Variants in DLC1 observed in about 807,000 individuals in gnomAD.
The protein encoded by DLC1 is rho GTPase-activating protein 7.
In DLC1, 54 loss-of-function variants were observed where a neutral mutation model predicts 140.3. The ratio of observed to expected loss-of-function variants is 0.38; its 90% CI spans 0.31 to 0.48. The LOEUF (loss-of-function observed/expected upper bound fraction) is 0.48, where lower values mean the gene tolerates loss of function less well. DLC1 is among the 20% of genes least tolerant of loss of function. The probability of loss-of-function intolerance (pLI) is 0.96; values close to 1 mark genes in which losing one functional copy is unlikely to be tolerated. For missense variants in DLC1, 2,536 were observed against 1,907.0 expected (o/e 1.33, Z -6.14); for synonymous variants, 986 against 728.1 (o/e 1.35, Z -5.70).
chr8:13,492,531 C>T (rs766111564), intron 2 of DLC1, among the ~76,000 whole-genome samples: 1 of 93,956 alleles, frequency 1.1e-5, no homozygotes, highest in African/African-American at 3.6e-5. Context: ...TTCTCTCTCC[C>T]TCCACCTCTC....
chr8:13,236,170 T>C (rs577036813), intron 5 of DLC1, among the ~76,000 whole-genome samples: 11 of 152,186 alleles, frequency 7.2e-5, no homozygotes, highest in Admixed American at 2.6e-4. Context: ...TTTGGCAATA[T>C]AAAATTTTGT....
chr8:13,200,467 A>G (rs1407256651), intron 5 of DLC1, among the ~76,000 whole-genome samples: 1 of 152,158 alleles, frequency 6.6e-6, no homozygotes, highest in Non-Finnish European at 1.5e-5. Context: ...GCTGATTCCT[A>G]ACCAGACGAA....
intron 1 of DLC1, among the ~76,000 whole-genome samples, chr8:13,561,721 C>G (rs1804250583): frequency 6.6e-6 from 1 of 152,094 alleles, no homozygotes; most frequent in Non-Finnish European, 1.5e-5. Flanking sequence ...GTAATTCTGA[C>G]TGCTTGAATT....
At chr8:13,427,297 C>T (rs1408476294) in intron 2 of DLC1, among the ~76,000 whole-genome samples, 1 of 152,136 alleles carries the variant, frequency 6.6e-6, no homozygotes, top group Middle Eastern at 3.2e-3. Context: ...TCATGGGGCT[C>T]TGTCCCGACA....
chr8:13,274,263 C>T (rs77838053), intron 5 of DLC1, among the ~76,000 whole-genome samples: 6,928 of 152,240 alleles, frequency 0.046, 311 homozygotes, highest in African/African-American at 0.12. Flanking sequence ...ACTAACTGAG[C>T]TTCCAGCCAT....
chr8:13,358,581 A>G (rs987747351), intron 4 of DLC1, among the ~76,000 whole-genome samples: 9 of 152,186 alleles, frequency 5.9e-5, no homozygotes, highest in African/African-American at 1.9e-4. Context: ...AAAAATATAC[A>G]TTAAAATATT....
intron 1 of DLC1, among the ~76,000 whole-genome samples, chr8:13,576,954 T>C (rs559519390): frequency 1.1e-4 from 17 of 152,002 alleles, no homozygotes; most frequent in Non-Finnish European, 1.9e-4. Context: ...GCAAAGTGCT[T>C]ACCGAGGAAC....
At chr8:13,141,195 C>A (rs957351546) in intron 5 of DLC1, among the ~76,000 whole-genome samples, 1 of 128,202 alleles carries the variant, frequency 7.8e-6, no homozygotes, top group Non-Finnish European at 1.6e-5. Context: ...GTGGAGTTTG[C>A]GGTGAGCCGA....
upstream of DLC1, among the ~76,000 whole-genome samples, chr8:13,519,355 C>T (rs578110571): frequency 1.3e-5 from 2 of 152,208 alleles, no homozygotes; most frequent in African/African-American, 4.8e-5. Flanking sequence ...GTCTCGAGCT[C>T]CTGGCCCTGT....
chr8:13,122,840 G>C (rs1217909598), intron 5 of DLC1, among the ~76,000 whole-genome samples: 1 of 151,026 alleles, frequency 6.6e-6, no homozygotes, highest in Non-Finnish European at 1.5e-5. Flanking sequence ...TGGGAGACTG[G>C]TCAGTCACTA....
intron 5 of DLC1, among the ~76,000 whole-genome samples, chr8:13,256,651 C>T (rs1830239878): frequency 6.6e-6 from 1 of 152,116 alleles, no homozygotes; most frequent in Admixed American, 6.6e-5. Flanking sequence ...CATATTCTCA[C>T]TCATAAGTGG....
intron 1 of DLC1, chr8:13,566,920 A>G: frequency 6.9e-7 from 1 of 1,456,018 alleles, no homozygotes; most frequent in Non-Finnish European, 9.1e-7. Context: ...CGGAGGGGTC[A>G]GCTCCTGACG....
At chr8:13,106,477 A>T (rs1819578823) in intron 7 of DLC1, among the ~76,000 whole-genome samples, 1 of 152,104 alleles carries the variant, frequency 6.6e-6, no homozygotes, top group Non-Finnish European at 1.5e-5. Flanking sequence ...CCTCCCAAGT[A>T]GCTGGGACTA....
chr8:13,216,239 G>A (rs191444151), intron 5 of DLC1, among the ~76,000 whole-genome samples: 2 of 152,050 alleles, frequency 1.3e-5, no homozygotes, highest in Non-Finnish European at 2.9e-5. Context: ...TTACACCAAA[G>A]GTCTCATTTG....
intron 5 of DLC1, among the ~76,000 whole-genome samples, chr8:13,226,119 G>T (rs187193680): frequency 6.6e-6 from 1 of 152,024 alleles, no homozygotes; most frequent in Non-Finnish European, 1.5e-5. Flanking sequence ...TTGCTGTGTT[G>T]CCCAGGCTAG....
At chr8:13,480,853 G>T (rs1470792404) in intron 2 of DLC1, among the ~76,000 whole-genome samples, 1 of 152,172 alleles carries the variant, frequency 6.6e-6, no homozygotes, top group African/African-American at 2.4e-5. Flanking sequence ...GCAGTCAGCT[G>T]AGATCACGCC....
rs1370881685 is a variant in DLC1, at chr8:13,316,159, A to T, written c.1315-10857T>A. Reference sequence around the variant, plus strand: ...TAACCCTTTCTGATTTCTGCTGGTGATGGAAGTGTCCAACGATGCCTCCCT... The same window carrying T: ...TAACCCTTTCTGATTTCTGCTGGTGTTGGAAGTGTCCAACGATGCCTCCCT... On this transcript the variant is annotated intron_variant, in intron 4 of 17. Coordinates refer to ENST00000276297, the MANE Select transcript of DLC1 (RefSeq NM_182643.3). Among the ~76,000 whole-genome samples, 3 of 152,150 alleles carry T rather than the reference A, an allele frequency of 2.0e-5. No homozygotes were observed. In the East Asian group the frequency reaches 5.8e-4, roughly 29 times the overall value.
At chr8:13,451,060 A>AAAAAAAAAAAAAAAAAAAAG (rs1563357492) in intron 2 of DLC1, among the ~76,000 whole-genome samples, 1 of 148,118 alleles carries the variant, frequency 6.8e-6, no homozygotes, top group East Asian at 2.0e-4. Context: ...AAAAAAAAAA[A>AAAAAAAAAAAAAAAAAAAAG]AAAAAAAAGA....
chr8:13,400,327 C>T (rs289580), intron 3 of DLC1, among the ~76,000 whole-genome samples: 9 of 151,960 alleles, frequency 5.9e-5, no homozygotes, highest in Middle Eastern at 3.4e-3. Context: ...TGCCTCCCAA[C>T]GAGCCATTAG....
Sources: allele counts gnomAD v4.1 joint callset (sites outside exome capture counted in the v4.1 genomes callset), GRCh38; gene constraint gnomAD v4.1.1; transcripts MANE v1.5; gene names NCBI Gene and HGNC (gene_info 2026-07-23, HGNC 2026-07-21).